Variants in SLC14A2 observed in about 807,000 individuals in gnomAD.
The protein encoded by SLC14A2 is solute carrier family 14 member 2.
In SLC14A2, 91 loss-of-function variants were observed where a neutral mutation model predicts 104.6. The ratio of observed to expected loss-of-function variants is 0.87; its 90% confidence interval spans 0.73 to 1.04. The LOEUF is 1.04. Ranked by LOEUF, SLC14A2 falls within the 50% of genes least tolerant of loss-of-function variation. The pLI, the probability that SLC14A2 is intolerant of heterozygous loss-of-function variation, is 0.00. For missense variants in SLC14A2, 1,189 were observed against 1,156.0 expected, an observed-to-expected ratio of 1.03 and a Z score of -0.41; for synonymous variants, 476 against 466.4, an observed-to-expected ratio of 1.02 and a Z score of -0.27.
chr18:45,227,292 G>A (rs981305500), intron 1 of SLC14A2, among the ~76,000 whole-genome samples: 1 of 152,106 alleles, frequency 6.6e-6, no homozygotes, highest in African/African-American at 2.4e-5. Flanking sequence ...GGCATTGGAT[G>A]GTCAAAAAGA....
chr18:45,314,085 C>T (rs995219024), intron 1 of SLC14A2, among the ~76,000 whole-genome samples: 7 of 152,176 alleles, frequency 4.6e-5, no homozygotes, highest in Non-Finnish European at 1.0e-4. Context: ...TGAATATGTG[C>T]CGGAGCACCA....
chr18:45,261,563 C>T (rs1398124464), intron 1 of SLC14A2, among the ~76,000 whole-genome samples: 1 of 151,732 alleles, frequency 6.6e-6, no homozygotes, highest in Admixed American at 6.6e-5. Context: ...CCCCTCTCCC[C>T]CAACCCCACA....
chr18:45,541,124 G>C (rs1005368006), intron 2 of SLC14A2, among the ~76,000 whole-genome samples: 16 of 151,690 alleles, frequency 1.1e-4, no homozygotes, highest in African/African-American at 3.6e-4. Context: ...CCATTCAGGA[G>C]TCAGGGATAG....
intron 19 of SLC14A2, 129 bp from the exon 20 acceptor site, chr18:45,682,190 C>A: frequency 1.3e-6 from 1 of 771,826 alleles, no homozygotes; most frequent in Non-Finnish European, 2.3e-6. Context: ...TTATATTGGT[C>A]ATCAATGAAG....
chr18:45,191,968 G>A, the SLC14A2 span, among the ~76,000 whole-genome samples: 1 of 152,278 alleles, frequency 6.6e-6, no homozygotes, highest in African/African-American at 2.4e-5. Flanking sequence ...AGAAGGAATA[G>A]CCCCCAAAGA....
intron 1 of SLC14A2, among the ~76,000 whole-genome samples, chr18:45,406,013 G>A (rs1453015529): frequency 1.3e-5 from 2 of 152,044 alleles, no homozygotes; most frequent in Non-Finnish European, 2.9e-5. Context: ...AGGTGGACAT[G>A]TAAGTTTCTT....
the SLC14A2 span, among the ~76,000 whole-genome samples, chr18:45,207,418 A>G: frequency 2.0e-5 from 3 of 151,352 alleles, no homozygotes; most frequent in East Asian, 5.8e-4. Flanking sequence ...AGAGAAAGAG[A>G]GAAAGAAAAA....
the SLC14A2 span, among the ~76,000 whole-genome samples, chr18:45,172,825 A>G: frequency 1.4e-4 from 21 of 152,156 alleles, no homozygotes; most frequent in Non-Finnish European, 2.6e-4. Flanking sequence ...TTGCATCCCC[A>G]ACACAAAACA....
chr18:45,467,839 C>A (rs976705243), intron 1 of SLC14A2, among the ~76,000 whole-genome samples: 6 of 152,074 alleles, frequency 3.9e-5, no homozygotes, highest in Non-Finnish European at 8.8e-5. Flanking sequence ...ACAAAAAAAA[C>A]ACACTGTGAA....
At chr18:45,578,698 T>C (rs1419366099) in intron 2 of SLC14A2, among the ~76,000 whole-genome samples, 1 of 152,216 alleles carries the variant, frequency 6.6e-6, no homozygotes, top group African/African-American at 2.4e-5. Flanking sequence ...AGCATTGAAT[T>C]AGGAACTGAA....
intron 1 of SLC14A2, among the ~76,000 whole-genome samples, chr18:45,475,090 T>C (rs2087333043): frequency 1.3e-5 from 2 of 152,228 alleles, no homozygotes; most frequent in South Asian, 2.1e-4. Flanking sequence ...TTTCTTCTCA[T>C]TGGTTTCAAA....
chr18:45,386,017 T>A (rs990851969), intron 1 of SLC14A2, among the ~76,000 whole-genome samples: 9 of 152,156 alleles, frequency 5.9e-5, no homozygotes, highest in African/African-American at 2.2e-4. Flanking sequence ...AGGGTCTATT[T>A]GAAGGTTGTT....
intron 1 of SLC14A2, among the ~76,000 whole-genome samples, chr18:45,416,456 C>T (rs1015495692): frequency 1.3e-4 from 20 of 152,172 alleles, no homozygotes; most frequent in African/African-American, 4.6e-4. Context: ...AATAATTGGT[C>T]GTGGCCTTTT....
intron 2 of SLC14A2, chr18:45,529,778 T>A (rs1275512513): frequency 6.6e-6 from 1 of 152,162 alleles, no homozygotes; most frequent in Non-Finnish European, 1.5e-5. Context: ...CTGCATGGAA[T>A]TCCATCTCTG....
At chr18:45,679,105 C>T in intron 19 of SLC14A2, 81 bp downstream of exon 19, 4 of 1,311,918 alleles carry the variant, frequency 3.0e-6, no homozygotes, top group Non-Finnish European at 4.4e-6. Flanking sequence ...CTGAAAACCT[C>T]TCTCCTCTAA....
intron 1 of SLC14A2, among the ~76,000 whole-genome samples, chr18:45,470,406 T>A (rs914520452): frequency 3.3e-5 from 5 of 152,206 alleles, no homozygotes; most frequent in Non-Finnish European, 7.3e-5. Context: ...AAATGGAGAA[T>A]CTATTTATTT....
chr18:45,468,406 G>A (rs556541961), intron 1 of SLC14A2, among the ~76,000 whole-genome samples: 2 of 152,066 alleles, frequency 1.3e-5, no homozygotes, highest in South Asian at 4.2e-4. Context: ...TAGAGTTCTG[G>A]AAACTTAGCA....
chr18:45,653,793 G>A (rs1238997930), intron 10 of SLC14A2, among the ~76,000 whole-genome samples: 1 of 152,146 alleles, frequency 6.6e-6, no homozygotes, highest in Non-Finnish European at 1.5e-5. Flanking sequence ...ATCTAGTATT[G>A]GGCTGTGCAG....
the SLC14A2 span, among the ~76,000 whole-genome samples, chr18:45,193,333 G>A: frequency 3.9e-3 from 597 of 152,152 alleles, 5 homozygotes; most frequent in African/African-American, 0.012. Context: ...AAAGTTTTTC[G>A]TCTGTTTTCT....
Sources: allele counts gnomAD v4.1 joint callset (sites outside exome capture counted in the v4.1 genomes callset), GRCh38; gene constraint gnomAD v4.1.1; transcripts MANE v1.5; gene names NCBI Gene and HGNC (gene_info 2026-07-23, HGNC 2026-07-21).